The following ROBO3 variants were observed in gnomAD, a reference collection of about 807,000 sequenced individuals.
The protein encoded by ROBO3 is roundabout homolog 3.
ROBO3 carries 97 observed loss-of-function variants against 160.5 expected under a neutral mutation model. That is an observed-to-expected ratio of 0.60 (90% CI 0.51 to 0.72). The LOEUF (loss-of-function observed/expected upper bound fraction) is 0.72, where lower values mean the gene tolerates loss of function less well. Ranked by LOEUF, ROBO3 falls within the 30% of genes least tolerant of loss-of-function variation. The pLI is 0.00. For synonymous variants in ROBO3, 780 were observed against 746.2 expected, an observed-to-expected ratio of 1.05 and a Z score of -0.74; for missense variants, 1,858 against 1,846.5, an observed-to-expected ratio of 1.01 and a Z score of -0.11.
Position 124,875,145 on chromosome 11 carries a change from G to T in ROBO3, c.2108G>T (p.Arg703Leu). Reference protein sequence around the residue: ...DGPVQLVQGFRVSWRVAGPEG... With the variant: ...DGPVQLVQGFLVSWRVAGPEG... ...CCAGTCCAGCTGGTGCAAGGTTTCC[G>T]GGTGTCTTGGAGGGTAGCAGGCCCT... The change falls in exon 14 of 28, where the codon CGG becomes CTG. Residue 703 changes from arginine (R) to leucine (L), a missense_variant. Physicochemically the swap from Arg to Leu is moderately radical, Grantham distance 102. Transcript: ENST00000397801. 3 of 1,612,512 alleles carry T rather than the reference G, an allele frequency of 1.9e-6. No homozygotes were observed. The Middle Eastern group carries it at 5.2e-4, about 281-fold the overall frequency.
Position 124,879,448 on chromosome 11 carries a change from G to A in ROBO3, c.3686-17G>A, listed in dbSNP as rs141538809. On this transcript the variant is annotated splice_polypyrimidine_tract_variant and intron_variant, in intron 24 of 27. Coordinates refer to ENST00000397801, the MANE Select transcript of ROBO3 (RefSeq NM_022370.4). ...TTTGCCCTTACCCATTCCTCTTCCC[G>A]TCTCCTAACACTGCAGGCAGAACCT... 468 of 1,612,214 alleles carry A rather than the reference G, an allele frequency of 2.9e-4. No individual in the cohort carries two copies. The highest frequency in any genetic ancestry group is 8.2e-4 in the Middle Eastern group (5 of 6,062).
chr11:124,880,967 T>C (rs1363756407), intron 27 of ROBO3, among the ~76,000 whole-genome samples: 1 of 152,104 alleles, frequency 6.6e-6, no homozygotes, highest in African/African-American at 2.4e-5. Flanking sequence ...GGTGGGAGGA[T>C]AGCTTGAGCC....
In ROBO3 at chr11:124,877,146, G is replaced by A; in HGVS notation, c.2780-15G>A. 1 of 1,613,756 alleles carries A rather than the reference G, an allele frequency of 6.2e-7. No homozygotes were observed. Among genetic ancestry groups the A allele is most frequent in the Non-Finnish European group, 8.5e-7 (1 of 1,179,774 alleles). On this transcript the variant is annotated splice_polypyrimidine_tract_variant and intron_variant, in intron 17 of 27. Coordinates refer to ENST00000397801, the MANE Select transcript of ROBO3 (RefSeq NM_022370.4). Reference sequence around the variant, plus strand: ...ATTTCACCTCTTCTTTCTCCCACGGGTTCCTTTCTGGAAGCCTCTTTTGCC... The same window carrying A: ...ATTTCACCTCTTCTTTCTCCCACGGATTCCTTTCTGGAAGCCTCTTTTGCC...
Position 124,870,623 on chromosome 11 carries a change from A to C in ROBO3, c.928A>C (p.Ser310Arg). 1 of 1,613,808 alleles carries C rather than the reference A, an allele frequency of 6.2e-7. No homozygotes were observed. The change falls in exon 6 of 28, where the codon AGC (serine) becomes CGC (arginine). Residue 310 changes from serine (S) to arginine (R), a missense_variant. Ser to Arg is a moderately radical substitution (Grantham distance 110). Coordinates refer to ENST00000397801, the MANE Select transcript of ROBO3 (RefSeq NM_022370.4). ...TGRYEIRSDHSLWIGHVSAED... is the reference protein window; with the variant it reads ...TGRYEIRSDHRLWIGHVSAED... ...CAGGTATGAGATCCGGAGTGACCAC[A>C]GCCTTTGGATTGGGCATGTGAGTGC... is the stretch of plus-strand genomic sequence containing the variant.
chr11:124,875,584 G>C lies in ROBO3; in HGVS notation c.2320G>C (p.Gly774Arg), dbSNP rs745858584. The change falls in exon 15 of 28, where the codon GGA (glycine) becomes CGA (arginine). Residue 774 changes from glycine to arginine, a missense_variant. Coordinates refer to ENST00000397801, the MANE Select transcript of ROBO3 (RefSeq NM_022370.4). ...CCCAGCCCCCAGTGGCCCCCCACAGGGAGTGGCGGTGGCCTTGGGGGGTGA... is the reference window on the plus strand; with the variant it reads ...CCCAGCCCCCAGTGGCCCCCCACAGCGAGTGGCGGTGGCCTTGGGGGGTGA... ...PEEAPSGPPQ[G>R]VAVALGGDGN... 3 of 1,611,988 alleles carry C rather than the reference G, an allele frequency of 1.9e-6. No homozygotes were observed. The highest frequency in any genetic ancestry group is 2.5e-6 in the Non-Finnish European group (3 of 1,179,158).
intron 4 of ROBO3, 42 bp from the exon 5 acceptor site, chr11:124,870,123 C>A: frequency 6.2e-7 from 1 of 1,614,014 alleles, no homozygotes; most frequent in South Asian, 1.1e-5. Context: ...GAGTAAGTAG[C>A]CGTGCAGACA....
At position 124,880,262 on chromosome 11, in the gene ROBO3, G is replaced by A. The variant is rs139217139; in HGVS notation, c.3959-156G>A. On this transcript the variant is annotated intron_variant, in intron 26 of 27. Transcript: ENST00000397801. Reference sequence around the variant, plus strand: ...ACCCATGATGTCAAGGCCATGTGCCGGTCACTCTGCTGCTCCTCAGCCCCA... The same window carrying A: ...ACCCATGATGTCAAGGCCATGTGCCAGTCACTCTGCTGCTCCTCAGCCCCA... 4.7e-4 allele frequency among the ~76,000 whole-genome samples: 71 copies of A among 152,304 alleles called. No homozygotes were observed. In the East Asian group the frequency reaches 7.0e-3, roughly 15 times the overall value.
intron 26 of ROBO3, 134 bp from the exon 27 acceptor site, chr11:124,880,284 C>T (rs1332306733): frequency 7.0e-7 from 1 of 1,435,390 alleles, no homozygotes; most frequent in Non-Finnish European, 9.3e-7. Context: ...GCTCCTCAGC[C>T]CCAGGCTGGC....
rs749943517 is a variant in ROBO3, at chr11:124,881,277, T to C, written c.*27T>C. 9 of 1,596,140 alleles carry C rather than the reference T, an allele frequency of 5.6e-6. No individual in the cohort carries two copies. The highest frequency in any genetic ancestry group is 3.4e-5 in the Admixed American group (2 of 58,066). The stretch of plus-strand genomic sequence containing the variant: ...CCTTGTTGGGGCATTGAGAATATCA[T>C]GAGTGCCACGGGGAAGGGGAGTAGG... On this transcript the variant is annotated 3_prime_UTR_variant, in exon 28 of 28. Coordinates refer to ENST00000397801, the MANE Select transcript of ROBO3 (RefSeq NM_022370.4).
At position 124,875,229 on chromosome 11, in the gene ROBO3, T is replaced by TA; in HGVS notation, c.2194dup (p.Arg732LysfsTer24). On this transcript the variant is annotated frameshift_variant, in exon 14 of 28. Coordinates refer to ENST00000397801, the MANE Select transcript of ROBO3 (RefSeq NM_022370.4). LOFTEE classifies it high-confidence loss of function. ...TCCCCAAGCCAGCAAAGTACTGTGC[T>TA]AAGAGGACTCCCTCCAGGGACCCAA... 1.2e-6 allele frequency: 2 copies of TA among 1,613,530 alleles called. No individual in the cohort carries two copies. The highest frequency in any genetic ancestry group is 1.7e-6 in the Non-Finnish European group (2 of 1,179,792).
At position 124,876,230 on chromosome 11, in the gene ROBO3, C is replaced by T; in HGVS notation, c.2594-45C>T. 1.3e-6 allele frequency: 2 copies of T among 1,497,876 alleles called. No homozygotes were observed. Among genetic ancestry groups the T allele is most frequent in the South Asian group, 1.4e-5 (1 of 73,818 alleles). The allele number at this position is 1,497,876 out of a possible 1,614,324, so 92.8% of individuals were successfully genotyped here. A position where few individuals can be genotyped will look rare whatever the true frequency, so the allele number is the denominator to read the frequency against. On this transcript the variant is annotated intron_variant, in intron 16 of 27. Coordinates refer to ENST00000397801, the MANE Select transcript of ROBO3 (RefSeq NM_022370.4). The surrounding 1 kb of genome is among the most constrained non-coding windows in gnomAD (Gnocchi z 5.3). The stretch of plus-strand genomic sequence containing the variant: ...GTCGGGAATGACCCTTTCCCAGTTC[C>T]AGGGTTTCGGGCCCCTCCTCCCCTC...
Position 124,878,336 on chromosome 11 carries a change from G to A in ROBO3, c.3220G>A (p.Val1074Met), listed in dbSNP as rs1255858244. ...GGKVKLLGKP[V>M]QMPSLNWPEA... ...CAAAGTGAAGCTTCTGGGGAAACCT[G>A]TGCAGATGCCCTCTCTGAACTGGCC... is the stretch of plus-strand genomic sequence containing the variant. Residue 1074 changes from valine to methionine, a missense_variant, in exon 22 of 28, where the codon GTG becomes ATG. Physicochemically the swap from Val to Met is conservative, Grantham distance 21. Transcript: ENST00000397801. This position sits in a 1 kb window ranked among gnomAD's most constrained non-coding sequence, Gnocchi z 4.3. The A allele has an allele frequency of 6.2e-7, 1 of 1,613,778 alleles. No individual in the cohort carries two copies. Among genetic ancestry groups the A allele is most frequent in the Admixed American group, 1.7e-5 (1 of 59,988 alleles).
Position 124,876,315 on chromosome 11 carries a change from G to C in ROBO3, c.2634G>C (p.Ala878=). The change falls in exon 17 of 28, where the codon GCG becomes GCC. Residue 878 remains alanine, a synonymous_variant. Transcript: ENST00000397801. The surrounding 1 kb of genome is among the most constrained non-coding windows in gnomAD (Gnocchi z 5.3). ...TGGAGCCCGGGCTGGAGGTGGGCGC[G>C]GGGCTGGCGGTGCGGCTGGCGAGGG... ...PDLEPGLEVG[A]GLAVRLARVL... is the part of the protein sequence containing the mutation. 5.5e-6 allele frequency: 8 copies of C among 1,445,690 alleles called. No homozygotes were observed. Among genetic ancestry groups the C allele is most frequent in the Non-Finnish European group, 7.2e-6 (8 of 1,111,898 alleles). 89.6% of individuals were successfully genotyped at this position (1,445,690 alleles called of 1,614,324 possible).
In ROBO3 at chr11:124,874,009, T is replaced by G. The variant is rs895797987; in HGVS notation, c.1785-61T>G. 1.9e-6 allele frequency: 3 copies of G among 1,602,850 alleles called. No individual in the cohort carries two copies. In the African/African-American group the frequency reaches 4.0e-5, roughly 21 times the overall value. On this transcript the variant is annotated intron_variant, in intron 11 of 27. Transcript: ENST00000397801. ...GGTCGTTCATAGAGAGTGGATGAGA[T>G]GGAGTAGGCAGGTTGGGAGTTCCTG...
Position 124,873,115 on chromosome 11 carries a change from T to G in ROBO3, c.1536+26T>G. The stretch of plus-strand genomic sequence containing the variant: ...GTGAGTGTCACCCCTGGGGCCCTAG[T>G]AGCTGAGAATGGCTATCTGCTCCAC... On this transcript the variant is annotated intron_variant, in intron 9 of 27. Transcript: ENST00000397801. The surrounding 1 kb of genome is among the most constrained non-coding windows in gnomAD (Gnocchi z 4.5). The G allele has an allele frequency of 6.2e-7, 1 of 1,600,398 alleles. No individual in the cohort carries two copies. Among genetic ancestry groups the G allele is most frequent in the African/African-American group, 1.3e-5 (1 of 74,772 alleles).
Position 124,873,010 on chromosome 11 carries a change from A to C in ROBO3, c.1457A>C (p.Lys486Thr). ...CCTCAACCCAGTGTCCGATGGAAGA[A>C]GGATGGGCAGTGGCTGCAGGGGGAT... ...GNPQPSVRWK[K>T]DGQWLQGDDL... is the part of the protein sequence containing the mutation. The change falls in exon 9 of 28, where the codon AAG becomes ACG. Residue 486 changes from lysine (K) to threonine (T), a missense_variant. Physicochemically the swap from Lys to Thr is moderately conservative, Grantham distance 78. Coordinates refer to ENST00000397801, the MANE Select transcript of ROBO3 (RefSeq NM_022370.4). The surrounding 1 kb of genome is among the most constrained non-coding windows in gnomAD (Gnocchi z 4.5). The C allele has an allele frequency of 6.2e-7, 1 of 1,613,924 alleles. No individual in the cohort carries two copies. Among genetic ancestry groups the C allele is most frequent in the Non-Finnish European group, 8.5e-7 (1 of 1,179,860 alleles).
rs866619429 is a variant in ROBO3 at position 124,876,772 on chromosome 11, C to A, written c.2779+312C>A. 9 of 417,830 alleles carry A rather than the reference C, an allele frequency of 2.2e-5. No homozygotes were observed. The highest frequency in any genetic ancestry group is 8.3e-5 in the Admixed American group (2 of 24,194). 25.9% of individuals were successfully genotyped at this position (417,830 alleles called of 1,614,324 possible). ...GAGGACGGAAAGCCCACTCAAAGGG[C>A]GGGGGGCGGGGCCTGGCAAGAGGGG... On this transcript the variant is annotated intron_variant, in intron 17 of 27. Transcript: ENST00000397801. This position sits in a 1 kb window ranked among gnomAD's most constrained non-coding sequence, Gnocchi z 5.3.
chr11:124,873,962 T>A lies in ROBO3; in HGVS notation c.1784+100T>A. The A allele has an allele frequency of 6.3e-7, 1 of 1,582,986 alleles. No homozygotes were observed. The highest frequency in any genetic ancestry group is 8.7e-7 in the Non-Finnish European group (1 of 1,155,706). On this transcript the variant is annotated intron_variant, in intron 11 of 27. Transcript: ENST00000397801. The surrounding 1 kb of genome is among the most constrained non-coding windows in gnomAD (Gnocchi z 4.5). ...TGTGAGGTGGGATTCTCCAGTACCC[T>A]CTTGCAAGGGGAAGACATAATGGTC... is the stretch of plus-strand genomic sequence containing the variant.
chr11:124,870,862 G>A, intron 6 of ROBO3, 134 bp downstream of exon 6: 2 of 1,516,336 alleles, frequency 1.3e-6, no homozygotes, highest in Non-Finnish European at 1.8e-6. Flanking sequence ...GCAAGGAGTG[G>A]GAGGAGGAGA....
Sources: allele counts gnomAD v4.1 joint callset (sites outside exome capture counted in the v4.1 genomes callset), GRCh38; gene constraint gnomAD v4.1.1; non-coding constraint Gnocchi (gnomAD v3.1); transcripts MANE v1.5; gene names NCBI Gene and HGNC (gene_info 2026-07-23, HGNC 2026-07-21).